The following OCIAD2 variants were observed in gnomAD, a reference collection of about 807,000 sequenced individuals.
OCIAD2 encodes the protein OCIA domain-containing protein 2.
In OCIAD2, 29 loss-of-function variants were observed where a neutral mutation model predicts 22.9. The ratio of observed to expected loss-of-function variants is 1.27; its 90% CI spans 0.94 to 1.73. The LOEUF (loss-of-function observed/expected upper bound fraction) is 1.73. OCIAD2 is among the 40% of genes most tolerant of loss of function. The probability of loss-of-function intolerance (pLI) is 0.00; values close to 1 mark genes in which losing one functional copy is unlikely to be tolerated. For missense variants in OCIAD2, 189 were observed against 180.3 expected, an observed-to-expected ratio of 1.05 and a Z score of -0.28; for synonymous variants, 67 against 60.2, an observed-to-expected ratio of 1.11 and a Z score of -0.52.
intron 4 of OCIAD2, among the ~76,000 whole-genome samples, chr4:48,896,142 A>T (rs1301602272): frequency 6.6e-6 from 1 of 152,254 alleles, no homozygotes; most frequent in Non-Finnish European, 1.5e-5. Context: ...AAATTATAAA[A>T]ATAAAATCAT....
intron 6 of OCIAD2, among the ~76,000 whole-genome samples, chr4:48,889,269 TTGA>T (rs1265939387): frequency 6.6e-6 from 1 of 152,214 alleles, no homozygotes; most frequent in Non-Finnish European, 1.5e-5. Flanking sequence ...ATCAATTTTG[TTGA>T]TGTTTTCAAA....
intron 1 of OCIAD2, among the ~76,000 whole-genome samples, chr4:48,904,949 C>G (rs2109687657): frequency 6.6e-6 from 1 of 152,216 alleles, no homozygotes; most frequent in Non-Finnish European, 1.5e-5. Context: ...AACAGTTACA[C>G]AACATGAAAA....
chr4:48,895,017 A>C (rs1243358027), intron 4 of OCIAD2, among the ~76,000 whole-genome samples: 1 of 152,246 alleles, frequency 6.6e-6, no homozygotes, highest in Non-Finnish European at 1.5e-5. Context: ...AACTGGTGAC[A>C]GGCAGAGAGA....
At chr4:48,901,383 T>C (rs1781414717) in intron 2 of OCIAD2, among the ~76,000 whole-genome samples, 1 of 152,126 alleles carries the variant, frequency 6.6e-6, no homozygotes, top group Non-Finnish European at 1.5e-5. Context: ...CCGCTCTCAA[T>C]TGTTGCAGTC....
Position 48,893,994 on chromosome 4 carries a change from T to C in OCIAD2, c.265+12A>G. On this transcript the variant is annotated intron_variant, in intron 5 of 6. Coordinates refer to ENST00000508632, the MANE Select transcript of OCIAD2 (RefSeq NM_001014446.3). Reference sequence around the variant, plus strand: ...ACCACACTTGGCTTGCTTTTTTATTTCTATGACTTACGTGCAACTTTGGGC... The same window carrying C: ...ACCACACTTGGCTTGCTTTTTTATTCCTATGACTTACGTGCAACTTTGGGC... 2 of 1,509,912 alleles carry C rather than the reference T, an allele frequency of 1.3e-6. No individual in the cohort carries two copies. The highest frequency in any genetic ancestry group is 1.9e-5 in the Admixed American group (1 of 51,610). The allele number at this position is 1,509,912 out of a possible 1,614,324, so 93.5% of individuals were successfully genotyped here.
intron 5 of OCIAD2, 31 bp from the exon 6 acceptor site, chr4:48,892,920 A>G: frequency 9.0e-7 from 1 of 1,115,558 alleles, no homozygotes; most frequent in Non-Finnish European, 1.3e-6. Flanking sequence ...AGATTAGTTG[A>G]GAATCTTCTC....
chr4:48,887,818 C>A (rs567669902), intron 6 of OCIAD2, among the ~76,000 whole-genome samples: 1 of 152,146 alleles, frequency 6.6e-6, no homozygotes, highest in South Asian at 2.1e-4. Context: ...CTTGGCAATG[C>A]GGGCTCTTTT....
At chr4:48,896,335 A>T (rs573420785) in intron 4 of OCIAD2, among the ~76,000 whole-genome samples, 257 of 152,124 alleles carry the variant, frequency 1.7e-3, no homozygotes, top group Non-Finnish European at 3.0e-3. Context: ...CATGCCTGTA[A>T]TCCCAGCACT....
chr4:48,895,626 T>C (rs566314930), intron 4 of OCIAD2, among the ~76,000 whole-genome samples: 138 of 152,318 alleles, frequency 9.1e-4, no homozygotes, highest in African/African-American at 3.0e-3. Context: ...CCCCACCTCT[T>C]GATACTGTTA....
intron 2 of OCIAD2, among the ~76,000 whole-genome samples, chr4:48,903,563 C>A (rs1781462855): frequency 6.6e-6 from 1 of 151,900 alleles, no homozygotes; most frequent in Admixed American, 6.6e-5. Flanking sequence ...CTATCAGAAA[C>A]CTCTTCAGTC....
chr4:48,894,149 C>G (rs1781248854), intron 4 of OCIAD2, 96 bp from the exon 5 acceptor site: 1 of 593,912 alleles, frequency 1.7e-6, no homozygotes, highest in Non-Finnish European at 2.5e-6. Flanking sequence ...AAGAAACCTC[C>G]AAAATTTAAG....
At chr4:48,904,365 A>T in intron 2 of OCIAD2, 119 bp downstream of exon 2, 1 of 881,548 alleles carries the variant, frequency 1.1e-6, no homozygotes, top group Non-Finnish European at 1.9e-6. Flanking sequence ...TAGGAGGATC[A>T]CTTAATCCAG....
chr4:48,903,652 TTTTC>T lies in OCIAD2; in HGVS notation c.66+828_66+831del, dbSNP rs578257408. Among the ~76,000 whole-genome samples, 443 of 148,706 alleles carry T rather than the reference TTTTC, an allele frequency of 3.0e-3. 1 individual carries two copies. Among genetic ancestry groups the T allele is most frequent in the African/African-American group, 0.01 (413 of 40,198 alleles). On this transcript the variant is annotated intron_variant, in intron 2 of 6. Transcript: ENST00000508632. ...AAGAAAGGGTTTTTTTTTTTTTTTTTTTTCTTTTTTTTGAGACAGAGTCTCGCTC... is the reference window on the plus strand; with the variant it reads ...AAGAAAGGGTTTTTTTTTTTTTTTTTTTTTTTTTGAGACAGAGTCTCGCTC...
chr4:48,890,524 A>C (rs1409529006), intron 6 of OCIAD2, among the ~76,000 whole-genome samples: 2 of 152,194 alleles, frequency 1.3e-5, no homozygotes, highest in Admixed American at 6.5e-5. Context: ...TATACACATA[A>C]TTTTTTAAAT....
chr4:48,888,103 G>A (rs559640324), intron 6 of OCIAD2, among the ~76,000 whole-genome samples: 2 of 152,288 alleles, frequency 1.3e-5, no homozygotes, highest in South Asian at 4.1e-4. Flanking sequence ...TGAAGCAATT[G>A]TGATGGGAGT....
intron 4 of OCIAD2, among the ~76,000 whole-genome samples, chr4:48,895,090 G>A (rs1781273642): frequency 6.6e-6 from 1 of 152,158 alleles, no homozygotes; most frequent in African/African-American, 2.4e-5. Context: ...AGGGGCCACC[G>A]GTTAAGAAAT....
chr4:48,901,637 G>A (rs755273111), intron 2 of OCIAD2, among the ~76,000 whole-genome samples: 79 of 152,240 alleles, frequency 5.2e-4, no homozygotes, highest in Non-Finnish European at 9.1e-4. Context: ...TCCTCTAGTT[G>A]TCAGGCAATT....
Position 48,886,525 on chromosome 4 carries a change from G to A in OCIAD2, c.384-960C>T, listed in dbSNP as rs371415107. On this transcript the variant is annotated intron_variant, in intron 6 of 6. Transcript: ENST00000508632. ...CCTACAACAGGCCCTGGTGTGTGAT[G>A]TTCCCCTTCCTGTGTTCAAGTGTTC... is the stretch of plus-strand genomic sequence containing the variant. Among the ~76,000 whole-genome samples the A allele has an allele frequency of 7.8e-4, 106 of 135,696 alleles. 2 individuals carry two copies. The South Asian group carries it at 0.024, about 30-fold the overall frequency. 89.0% of individuals were successfully genotyped at this position (135,696 alleles called of 152,430 possible).
intron 6 of OCIAD2, among the ~76,000 whole-genome samples, chr4:48,889,819 T>C (rs1191151905): frequency 1.3e-5 from 2 of 152,156 alleles, no homozygotes; most frequent in Non-Finnish European, 2.9e-5. Context: ...ATGTTTATTG[T>C]GGCACTATTC....
Sources: allele counts gnomAD v4.1 joint callset (sites outside exome capture counted in the v4.1 genomes callset), GRCh38; gene constraint gnomAD v4.1.1; transcripts MANE v1.5; gene names NCBI Gene and HGNC (gene_info 2026-07-23, HGNC 2026-07-21).